ST6GAL1: variants seen among roughly 807,000 people sequenced by gnomAD.
ST6GAL1 encodes the protein ST6 beta-galactoside alpha-2,6-sialyltransferase 1.
Under a neutral mutation model 38.0 loss-of-function variants are expected in ST6GAL1, and 20 were observed. That is an observed-to-expected ratio of 0.53 (90% CI 0.37 to 0.77). The LOEUF is 0.77. Ranked by LOEUF, ST6GAL1 falls within the 30% of genes least tolerant of loss-of-function variation. The pLI, the probability that ST6GAL1 is intolerant of heterozygous loss-of-function variation, is 0.00. For missense variants in ST6GAL1, 432 were observed against 496.4 expected (o/e 0.87, Z 1.23); for synonymous variants, 196 against 188.2 (o/e 1.04, Z -0.34).
At chr3:186,967,158 C>A (rs112037626) in intron 2 of ST6GAL1, among the ~76,000 whole-genome samples, 2 of 152,164 alleles carry the variant, frequency 1.3e-5, no homozygotes, top group African/African-American at 4.8e-5. Context: ...GCTGTGTGTC[C>A]AGGGTTTCCA....
intron 2 of ST6GAL1, among the ~76,000 whole-genome samples, chr3:186,965,287 T>G (rs1336499030): frequency 6.6e-6 from 1 of 152,228 alleles, no homozygotes; most frequent in Non-Finnish European, 1.5e-5. Flanking sequence ...AATCAGAGTT[T>G]TTGACTCATA....
intron 1 of ST6GAL1, among the ~76,000 whole-genome samples, chr3:186,958,221 T>C (rs1350196572): frequency 1.3e-5 from 2 of 152,200 alleles, no homozygotes; most frequent in East Asian, 3.9e-4. Flanking sequence ...GAAATATACA[T>C]GAAAGGAATT....
At chr3:187,060,900 C>T (rs1432959074) in intron 5 of ST6GAL1, among the ~76,000 whole-genome samples, 1 of 152,124 alleles carries the variant, frequency 6.6e-6, no homozygotes, top group South Asian at 2.1e-4. Context: ...TTAAATGACA[C>T]GTTGTTCTGA....
intron 5 of ST6GAL1, among the ~76,000 whole-genome samples, chr3:187,053,702 C>T (rs1165054279): frequency 6.6e-6 from 1 of 152,114 alleles, no homozygotes; most frequent in Non-Finnish European, 1.5e-5. Flanking sequence ...GTTACTGTAG[C>T]CTTATAGTAT....
intron 2 of ST6GAL1, among the ~76,000 whole-genome samples, chr3:186,997,013 A>T (rs1716434231): frequency 6.6e-6 from 1 of 151,924 alleles, no homozygotes; most frequent in South Asian, 2.1e-4. Context: ...CTGTCTGTAC[A>T]CTGTGCTTTG....
intron 2 of ST6GAL1, among the ~76,000 whole-genome samples, chr3:186,975,768 C>T (rs1199799507): frequency 3.3e-5 from 5 of 152,224 alleles, no homozygotes; most frequent in Admixed American, 3.3e-4. Context: ...GAGAGGGTGG[C>T]TGGCTGTGCC....
chr3:187,073,059 G>T, intron 6 of ST6GAL1, 112 bp downstream of exon 6: 1 of 811,616 alleles, frequency 1.2e-6, no homozygotes, highest in Non-Finnish European at 2.0e-6. Flanking sequence ...CTAAAGGCTG[G>T]GTATTTGAGT....
Position 187,002,444 on chromosome 3 carries a change from C to T in ST6GAL1, c.-182-36298C>T, listed in dbSNP as rs186436895. On this transcript the variant is annotated intron_variant, in intron 2 of 7. Transcript: ENST00000169298. ...CAGCTCATTCCTCTCCCTGGTCTGTCCAACTTTCCCTCAGGAAAAGTCAAT... is the reference window on the plus strand; with the variant it reads ...CAGCTCATTCCTCTCCCTGGTCTGTTCAACTTTCCCTCAGGAAAAGTCAAT... Among the ~76,000 whole-genome samples, 3 of 152,366 alleles carry T rather than the reference C, an allele frequency of 2.0e-5. No homozygotes were observed. In the East Asian group the frequency reaches 5.8e-4, roughly 29 times the overall value.
At chr3:186,995,501 A>G (rs62292620) in intron 2 of ST6GAL1, among the ~76,000 whole-genome samples, 32,986 of 94,290 alleles carry the variant, frequency 0.35, 4,241 homozygotes, top group South Asian at 0.46. Context: ...GTGAGACACC[A>G]TCTCAAAAAA....
intron 4 of ST6GAL1, among the ~76,000 whole-genome samples, chr3:187,049,737 T>C (rs939277564): frequency 6.6e-6 from 1 of 152,240 alleles, no homozygotes; most frequent in African/African-American, 2.4e-5. Context: ...TTCTCATCTC[T>C]TTTCTACTGG....
chr3:187,043,195 A>G lies in ST6GAL1; in HGVS notation c.492A>G (p.Glu164=), dbSNP rs1560173786. The G allele has an allele frequency of 4.3e-6, 7 of 1,614,194 alleles. No individual in the cohort carries two copies. The highest frequency in any genetic ancestry group is 5.1e-6 in the Non-Finnish European group (6 of 1,180,028). Residue 164 remains glutamate (E), a synonymous_variant, in exon 4 of 8, where the codon GAA becomes GAG. Coordinates refer to ENST00000169298, the MANE Select transcript of ST6GAL1 (RefSeq NM_173216.2). The part of the protein sequence containing the change: ...EVTDFPFNTS[E]WEGYLPKESI... ...CAGATTTTCCCTTCAATACCTCTGA[A>G]TGGGAGGGTTATCTGCCCAAGGAGA...
chr3:187,061,130 G>T (rs950146724), intron 5 of ST6GAL1, among the ~76,000 whole-genome samples: 22 of 152,074 alleles, frequency 1.4e-4, no homozygotes, highest in Non-Finnish European at 3.2e-4. Context: ...CAATAGAATA[G>T]CATAAAAAAG....
At chr3:187,071,776 C>CAAAAAA (rs11330261) in intron 5 of ST6GAL1, among the ~76,000 whole-genome samples, 1,455 of 71,508 alleles carry the variant, frequency 0.02, 23 homozygotes, top group East Asian at 0.041. Context: ...GACTCCGCCT[C>CAAAAAA]AAAAAAAAAA....
intron 2 of ST6GAL1, among the ~76,000 whole-genome samples, chr3:187,033,108 A>G (rs6777954): frequency 0.051 from 7,840 of 152,284 alleles, 699 homozygotes; most frequent in African/African-American, 0.18. Flanking sequence ...TTCAAGTAAC[A>G]TAATAAAAAT....
intron 2 of ST6GAL1, among the ~76,000 whole-genome samples, chr3:187,025,147 G>A (rs184105603): frequency 7.5e-4 from 114 of 152,082 alleles, no homozygotes; most frequent in Non-Finnish European, 1.5e-3. Flanking sequence ...TAGTTGATGC[G>A]TTGCATACAA....
At chr3:186,967,507 A>C (rs1400541398) in intron 2 of ST6GAL1, among the ~76,000 whole-genome samples, 2 of 152,156 alleles carry the variant, frequency 1.3e-5, no homozygotes, top group African/African-American at 2.4e-5. Context: ...ACAGAGTTTT[A>C]AGTACCTAAC....
At chr3:186,981,492 A>C (rs1339305586) in intron 2 of ST6GAL1, among the ~76,000 whole-genome samples, 1 of 152,198 alleles carries the variant, frequency 6.6e-6, no homozygotes, top group Admixed American at 6.5e-5. Context: ...ACTGCCTTGT[A>C]CCGTGGGTAA....
Position 187,075,523 on chromosome 3 carries a change from G to A in ST6GAL1, c.980-39G>A. 1 of 1,606,148 alleles carries A rather than the reference G, an allele frequency of 6.2e-7. No individual in the cohort carries two copies. The highest frequency in any genetic ancestry group is 8.5e-7 in the Non-Finnish European group (1 of 1,174,222). On this transcript the variant is annotated intron_variant, in intron 7 of 7. Coordinates refer to ENST00000169298, the MANE Select transcript of ST6GAL1 (RefSeq NM_173216.2). This position sits in a 1 kb window ranked among gnomAD's most constrained non-coding sequence, Gnocchi z 4.1. ...GGGCAGAGCTCTGGGGTGCTGGGGT[G>A]GGTTGTCAGGCATGACTCACCTCTG...
chr3:187,003,665 T>C (rs1307115533), intron 2 of ST6GAL1, among the ~76,000 whole-genome samples: 5 of 152,230 alleles, frequency 3.3e-5, no homozygotes, highest in Non-Finnish European at 7.3e-5. Flanking sequence ...AGATATATTT[T>C]CCAATGATTT....
Sources: allele counts gnomAD v4.1 joint callset (sites outside exome capture counted in the v4.1 genomes callset), GRCh38; gene constraint gnomAD v4.1.1; non-coding constraint Gnocchi (gnomAD v3.1); transcripts MANE v1.5; gene names NCBI Gene and HGNC (gene_info 2026-07-23, HGNC 2026-07-21).